LAMP1: variants seen among roughly 807,000 people sequenced by gnomAD.
LAMP1 encodes lysosome associated membrane protein 1, also known as lysosome-associated membrane glycoprotein 1.
A neutral mutation model predicts 37.5 loss-of-function variants in LAMP1; 7 were observed. The observed-to-expected ratio is 0.19, with a 90% CI of 0.11 to 0.35. LAMP1 has a LOEUF of 0.35. LAMP1 is among the 10% of genes least tolerant of loss of function. The probability of loss-of-function intolerance (pLI) is 1.00; values close to 1 mark genes in which losing one functional copy is unlikely to be tolerated. For synonymous variants in LAMP1, 236 were observed against 229.1 expected (o/e 1.03, Z -0.27); for missense variants, 537 against 552.8 (o/e 0.97, Z 0.29).
chr13:113,322,072 A>C (rs1198453200), intron 8 of LAMP1: 8 of 598,398 alleles, frequency 1.3e-5, no homozygotes, highest in Non-Finnish European at 2.0e-5. Flanking sequence ...CTGATTCCAG[A>C]CGGGGGAGAG....
intron 1 of LAMP1, chr13:113,305,403 G>C (rs1230371887): frequency 6.6e-6 from 1 of 152,212 alleles, no homozygotes; most frequent in Non-Finnish European, 1.5e-5. Context: ...TTTGGCGTTA[G>C]AACAGGCAGA....
intron 4 of LAMP1, among the ~76,000 whole-genome samples, chr13:113,312,494 C>T (rs904374406): frequency 6.6e-6 from 1 of 152,146 alleles, no homozygotes; most frequent in Non-Finnish European, 1.5e-5. Flanking sequence ...CTTTGCCTTC[C>T]CTGGTGAGTG....
At position 113,320,301 on chromosome 13, in the gene LAMP1, A is replaced by G. The variant is rs2042690778; in HGVS notation, c.751-44A>G. 12 of 1,611,638 alleles carry G rather than the reference A, an allele frequency of 7.4e-6. No homozygotes were observed. In the African/African-American group the frequency reaches 1.2e-4, roughly 16 times the overall value. ...ACTGTTTGTCTTTTCGAGAGTGTGGAGGACCTGAGCTAGGGTGGTGACTTG... is the reference window on the plus strand; with the variant it reads ...ACTGTTTGTCTTTTCGAGAGTGTGGGGGACCTGAGCTAGGGTGGTGACTTG... On this transcript the variant is annotated intron_variant, in intron 5 of 8. Coordinates refer to ENST00000332556, the MANE Select transcript of LAMP1 (RefSeq NM_005561.4). The surrounding 1 kb of genome is among the most constrained non-coding windows in gnomAD (Gnocchi z 4.4).
rs1566407243 is a variant in LAMP1 at position 113,323,661 on chromosome 13, C to A, written c.*1240C>A. 6.6e-6 allele frequency: 1 copy of A among 151,898 alleles called. No homozygotes were observed. The highest frequency in any genetic ancestry group is 2.1e-4 in the South Asian group (1 of 4,806). The allele number at this position is 151,898 out of a possible 1,614,324, so 9.4% of individuals were successfully genotyped here. A position where few individuals can be genotyped will look rare whatever the true frequency, so the allele number is the denominator to read the frequency against. ...ATTTTTAAATCATTAAAAAAATTAC[C>A]TTTCATACAGATACCATGGAATACT... is the stretch of plus-strand genomic sequence containing the variant. On this transcript the variant is annotated 3_prime_UTR_variant, in exon 9 of 9. Coordinates refer to ENST00000332556, the MANE Select transcript of LAMP1 (RefSeq NM_005561.4).
chr13:113,308,526 T>A (rs1042315970), intron 2 of LAMP1, among the ~76,000 whole-genome samples: 4 of 151,716 alleles, frequency 2.6e-5, no homozygotes, highest in Non-Finnish European at 4.4e-5. Flanking sequence ...GGATTCTCCA[T>A]GTTGGTCAGG....
chr13:113,301,314 C>T (rs1056311422), intron 1 of LAMP1, among the ~76,000 whole-genome samples: 1 of 151,264 alleles, frequency 6.6e-6, no homozygotes, highest in African/African-American at 2.4e-5. Flanking sequence ...AGTGTCTCTA[C>T]AAAAAAAATT....
At position 113,320,440 on chromosome 13, in the gene LAMP1, C is replaced by T. The variant is rs777585404; in HGVS notation, c.846C>T (p.Gly282=). The change falls in exon 6 of 9, where the codon GGC becomes GGT. Residue 282 remains glycine, a synonymous_variant. Transcript: ENST00000332556. This position sits in a 1 kb window ranked among gnomAD's most constrained non-coding sequence, Gnocchi z 4.4. ...TGACTCTGGAGCTGCACAGCGAGGGCACCACCGTCCTGCTCTTCCAGTTCG... is the reference window on the plus strand; with the variant it reads ...TGACTCTGGAGCTGCACAGCGAGGGTACCACCGTCCTGCTCTTCCAGTTCG... ...HLVTLELHSE[G]TTVLLFQFGM... The T allele has an allele frequency of 9.9e-6, 16 of 1,610,418 alleles. No homozygotes were observed. In the East Asian group the frequency reaches 3.1e-4, roughly 31 times the overall value.
chr13:113,304,402 C>T (rs1328322328), intron 1 of LAMP1, among the ~76,000 whole-genome samples: 1 of 152,206 alleles, frequency 6.6e-6, no homozygotes, highest in Admixed American at 6.5e-5. Context: ...TTGCTGGCGT[C>T]TGCTGTAGCT....
At chr13:113,301,342 C>T (rs890841178) in intron 1 of LAMP1, among the ~76,000 whole-genome samples, 6 of 151,772 alleles carry the variant, frequency 4.0e-5, no homozygotes, top group Admixed American at 2.6e-4. Context: ...AATATACGGC[C>T]GGGCACGGTG....
chr13:113,315,027 C>T (rs186849252), intron 4 of LAMP1, among the ~76,000 whole-genome samples: 1 of 118,098 alleles, frequency 8.5e-6, no homozygotes, highest in African/African-American at 3.5e-5. Flanking sequence ...GTGCCTGGGG[C>T]GTGGCCTCCT....
At chr13:113,304,999 C>G (rs2042591451) in intron 1 of LAMP1, 2 of 152,118 alleles carry the variant, frequency 1.3e-5, no homozygotes, top group African/African-American at 4.8e-5. Flanking sequence ...ATTTCCTTTA[C>G]CAAAGGGAAG....
Position 113,321,984 on chromosome 13 carries a change from C to T in LAMP1, c.1114+257C>T. 1 of 589,004 alleles carries T rather than the reference C, an allele frequency of 1.7e-6. No homozygotes were observed. The highest frequency in any genetic ancestry group is 3.0e-6 in the Non-Finnish European group (1 of 333,512). 36.5% of individuals were successfully genotyped at this position (589,004 alleles called of 1,614,324 possible). The stretch of plus-strand genomic sequence containing the variant: ...TTAAGAAACAGTGGTGGCGCTTCTC[C>T]CATGAACGTTGAATACAACACTGTC... On this transcript the variant is annotated intron_variant, in intron 8 of 8. Transcript: ENST00000332556. This position sits in a 1 kb window ranked among gnomAD's most constrained non-coding sequence, Gnocchi z 5.6.
At chr13:113,300,294 A>C (rs1039630312) in intron 1 of LAMP1, among the ~76,000 whole-genome samples, 4 of 152,262 alleles carry the variant, frequency 2.6e-5, no homozygotes, top group African/African-American at 9.6e-5. Context: ...CAGCCTGGCC[A>C]ATGTGGTGAA....
intron 1 of LAMP1, among the ~76,000 whole-genome samples, chr13:113,304,267 G>A (rs930353522): frequency 1.3e-5 from 2 of 152,200 alleles, no homozygotes; most frequent in African/African-American, 4.8e-5. Flanking sequence ...GGTTGTCAGT[G>A]GTGACTGTGG....
intron 1 of LAMP1, among the ~76,000 whole-genome samples, chr13:113,301,923 T>A (rs9577225): frequency 1.4e-5 from 2 of 140,442 alleles, no homozygotes; most frequent in African/African-American, 5.4e-5. Context: ...AGTGCAGTGG[T>A]GCGATCTCGG....
chr13:113,299,013 G>A (rs1315723543), intron 1 of LAMP1, among the ~76,000 whole-genome samples: 3 of 152,126 alleles, frequency 2.0e-5, no homozygotes, highest in African/African-American at 7.2e-5. Context: ...GGTGGCGCAC[G>A]CCTGTAATCC....
intron 8 of LAMP1, chr13:113,322,008 T>C (rs1854365302): frequency 1.7e-6 from 1 of 584,200 alleles, no homozygotes; most frequent in South Asian, 2.1e-5. Context: ...TACAACACTG[T>C]CATCTGATGT....
chr13:113,300,662 T>A (rs913244451), intron 1 of LAMP1, among the ~76,000 whole-genome samples: 1 of 150,632 alleles, frequency 6.6e-6, no homozygotes, highest in South Asian at 2.1e-4. Context: ...AAAATATTTT[T>A]AAAAAGTTAG....
intron 1 of LAMP1, among the ~76,000 whole-genome samples, chr13:113,302,954 AAAGT>A (rs575637417): frequency 5.5e-4 from 84 of 152,374 alleles, no homozygotes; most frequent in East Asian, 3.7e-3. Flanking sequence ...CACCTGGCAC[AAAGT>A]AAGTGCATTC....
Sources: allele counts gnomAD v4.1 joint callset (sites outside exome capture counted in the v4.1 genomes callset), GRCh38; gene constraint gnomAD v4.1.1; non-coding constraint Gnocchi (gnomAD v3.1); transcripts MANE v1.5; gene names NCBI Gene and HGNC (gene_info 2026-07-23, HGNC 2026-07-21).